AVL9: variants seen among roughly 807,000 people sequenced by gnomAD.
The protein encoded by AVL9 is AVL9 cell migration associated, also known as late secretory pathway protein AVL9 homolog.
In AVL9, 49 loss-of-function variants were observed where a neutral mutation model predicts 79.2. The ratio of observed to expected loss-of-function variants is 0.62; its 90% CI spans 0.49 to 0.79. The LOEUF is 0.79. Among genes scored for constraint, AVL9 ranks in the 30% least tolerant of loss-of-function variants. AVL9 has a pLI of 0.00. For missense variants in AVL9, 682 were observed against 776.8 expected (o/e 0.88, Z 1.45); for synonymous variants, 299 against 280.6 (o/e 1.07, Z -0.65).
intron 1 of AVL9, among the ~76,000 whole-genome samples, chr7:32,496,912 A>G (rs186683375): frequency 2.4e-4 from 36 of 152,340 alleles, no homozygotes; most frequent in Admixed American, 2.4e-3. Context: ...ACCAGCTTAG[A>G]TAACAAAGGG....
At chr7:32,498,605 ATCT>A (rs1786971684) in intron 1 of AVL9, among the ~76,000 whole-genome samples, 1 of 148,846 alleles carries the variant, frequency 6.7e-6, no homozygotes, top group Non-Finnish European at 1.5e-5. Context: ...TTATCACTTG[ATCT>A]TTTTTTTTTT....
intron 3 of AVL9, among the ~76,000 whole-genome samples, chr7:32,546,576 A>C (rs1276307609): frequency 6.6e-6 from 1 of 152,218 alleles, no homozygotes; most frequent in African/African-American, 2.4e-5. Context: ...TAATCCTAGC[A>C]CTTTGGGAGG....
chr7:32,547,439 G>A (rs1390599697), intron 3 of AVL9, among the ~76,000 whole-genome samples: 5 of 152,152 alleles, frequency 3.3e-5, no homozygotes, highest in Admixed American at 2.0e-4. Context: ...GCTGCTGTCC[G>A]TTCTTGGAAA....
At chr7:32,541,917 G>C (rs1401306579) in intron 1 of AVL9, among the ~76,000 whole-genome samples, 4 of 152,032 alleles carry the variant, frequency 2.6e-5, no homozygotes, top group Admixed American at 1.3e-4. Context: ...ATTTCACCAT[G>C]TCGGCCAGGC....
intron 1 of AVL9, among the ~76,000 whole-genome samples, chr7:32,524,838 C>G (rs576897235): frequency 2.1e-4 from 32 of 152,118 alleles, no homozygotes; most frequent in Non-Finnish European, 4.1e-4. Flanking sequence ...AGAGAATTTC[C>G]ACTTGAGGGG....
chr7:32,544,445 G>C (rs1205110308), intron 2 of AVL9, among the ~76,000 whole-genome samples: 1 of 152,050 alleles, frequency 6.6e-6, no homozygotes, highest in African/African-American at 2.4e-5. Flanking sequence ...AGTATTTTCT[G>C]TAATTGTAGT....
At chr7:32,524,214 T>C (rs1788302172) in intron 1 of AVL9, among the ~76,000 whole-genome samples, 1 of 152,014 alleles carries the variant, frequency 6.6e-6, no homozygotes, top group Non-Finnish European at 1.5e-5. Context: ...TTACCTGTCT[T>C]ATGAAAATGG....
intron 1 of AVL9, among the ~76,000 whole-genome samples, chr7:32,540,248 G>T (rs1789117102): frequency 6.6e-6 from 1 of 152,124 alleles, no homozygotes; most frequent in Admixed American, 6.5e-5. Context: ...GAACATTTTT[G>T]TATGTATCTG....
rs1791701424 is a variant in AVL9, at chr7:32,584,796, GTC to G, written c.*892_*893del. 2.3e-5 allele frequency: 1 copy of G among 43,028 alleles called. No homozygotes were observed. Among genetic ancestry groups the G allele is most frequent in the Non-Finnish European group, 4.0e-5 (1 of 25,108 alleles). The allele number at this position is 43,028 out of a possible 1,614,324, so 2.7% of individuals were successfully genotyped here. ...TTTTTGGGGGGGGGGGGGGGGCGGG[GTC>G]TCACTCTATCGCCCAGGCTGGAGTG... On this transcript the variant is annotated 3_prime_UTR_variant, in exon 16 of 16. Transcript: ENST00000318709.
chr7:32,527,832 C>T (rs554810472), intron 1 of AVL9, among the ~76,000 whole-genome samples: 2 of 152,226 alleles, frequency 1.3e-5, no homozygotes, highest in South Asian at 2.1e-4. Context: ...CACCCACCCA[C>T]CTACCTCCCA....
rs550941620 is a variant in AVL9 at position 32,566,649 on chromosome 7, C to CGGGCAGA, written c.1216-3370_1216-3364dup. ...ATCCCAACACTTTGGGAGACCGAGG[C>CGGGCAGA]GGGCAGATCACGAGGTCAGGAGATC... On this transcript the variant is annotated intron_variant, in intron 10 of 15. Transcript: ENST00000318709. Among the ~76,000 whole-genome samples the CGGGCAGA allele has an allele frequency of 5.6e-3, 851 of 152,052 alleles. 8 individuals carry two copies. The highest frequency in any genetic ancestry group is 0.02 in the African/African-American group (811 of 41,482).
intron 4 of AVL9, among the ~76,000 whole-genome samples, chr7:32,551,110 T>G (rs552236593): frequency 4.6e-5 from 7 of 152,266 alleles, no homozygotes; most frequent in African/African-American, 1.7e-4. Context: ...GAGCCCACAC[T>G]CTTAAGCACT....
chr7:32,499,347 AC>A (rs1375150109), intron 1 of AVL9, among the ~76,000 whole-genome samples: 2 of 82,426 alleles, frequency 2.4e-5, no homozygotes, highest in Non-Finnish European at 4.7e-5. Context: ...AATATATATC[AC>A]ATTAACTCTG....
At chr7:32,566,429 A>G (rs1790570797) in intron 10 of AVL9, among the ~76,000 whole-genome samples, 3 of 146,842 alleles carry the variant, frequency 2.0e-5, no homozygotes, top group African/African-American at 5.1e-5. Context: ...CTAGCCTTCT[A>G]AGTAGCTGGG....
At chr7:32,526,674 G>C (rs1263442806) in intron 1 of AVL9, among the ~76,000 whole-genome samples, 2 of 152,054 alleles carry the variant, frequency 1.3e-5, no homozygotes, top group Admixed American at 6.6e-5. Context: ...GAGGCATCCT[G>C]TTTCTATCTG....
At chr7:32,495,894 C>A in intron 1 of AVL9, 92 bp downstream of exon 1, 1 of 812,662 alleles carries the variant, frequency 1.2e-6, no homozygotes, top group Non-Finnish European at 1.7e-6. Flanking sequence ...CAGCTCGCGT[C>A]GTGCAGTCCT....
At chr7:32,567,009 TTATTA>T (rs2128146187) in intron 10 of AVL9, among the ~76,000 whole-genome samples, 1 of 152,388 alleles carries the variant, frequency 6.6e-6, no homozygotes, top group South Asian at 2.1e-4. Flanking sequence ...TGTTTGGCTT[TTATTA>T]TATCTGGTAC....
chr7:32,503,407 A>ACACACACACACAC lies in AVL9; in HGVS notation c.93+7605_93+7606insCACACACACACAC, dbSNP rs1477431265. On this transcript the variant is annotated intron_variant, in intron 1 of 15. Coordinates refer to ENST00000318709, the MANE Select transcript of AVL9 (RefSeq NM_015060.3). ...ACACACACACACACACACACACACA[A>ACACACACACACAC]ATTAGCCGGGCTTGGTGGCACGTGC... 2.1e-3 allele frequency among the ~76,000 whole-genome samples: 129 copies of ACACACACACACAC among 60,316 alleles called. No individual in the cohort carries two copies. The Middle Eastern group carries it at 0.034, about 16-fold the overall frequency. 39.6% of individuals were successfully genotyped at this position (60,316 alleles called of 152,430 possible). A position where few individuals can be genotyped will look rare whatever the true frequency, so the allele number is the denominator to read the frequency against.
intron 1 of AVL9, among the ~76,000 whole-genome samples, chr7:32,501,876 A>G (rs2128111221): frequency 6.6e-6 from 1 of 152,288 alleles, no homozygotes; most frequent in African/African-American, 2.4e-5. Flanking sequence ...CTAGGGATGG[A>G]CAACAGAAAG....
Sources: allele counts gnomAD v4.1 joint callset (sites outside exome capture counted in the v4.1 genomes callset), GRCh38; gene constraint gnomAD v4.1.1; transcripts MANE v1.5; gene names NCBI Gene and HGNC (gene_info 2026-07-23, HGNC 2026-07-21).